The following PRR5L variants were observed in gnomAD, a reference collection of about 807,000 sequenced individuals.
PRR5L encodes proline rich 5 like.
Under a neutral mutation model 36.4 loss-of-function variants are expected in PRR5L, and 21 were observed. The ratio of observed to expected loss-of-function variants is 0.58; its 90% CI spans 0.41 to 0.83. The LOEUF (loss-of-function observed/expected upper bound fraction) is 0.83, where lower values mean the gene tolerates loss of function less well. Among genes scored for constraint, PRR5L ranks in the 40% least tolerant of loss-of-function variants. The pLI, the probability that PRR5L is intolerant of heterozygous loss-of-function variation, is 0.00. For missense variants in PRR5L, 381 were observed against 473.3 expected, an observed-to-expected ratio of 0.80 and a Z score of 1.81; for synonymous variants, 188 against 197.0, an observed-to-expected ratio of 0.95 and a Z score of 0.38.
intron 1 of PRR5L, among the ~76,000 whole-genome samples, chr11:36,312,359 G>A (rs1411316125): frequency 6.6e-6 from 1 of 152,198 alleles, no homozygotes; most frequent in Non-Finnish European, 1.5e-5. Flanking sequence ...TGGGAGAACA[G>A]GGGTTGTGTA....
At chr11:36,304,717 A>G (rs530822617) in intron 1 of PRR5L, among the ~76,000 whole-genome samples, 2 of 152,330 alleles carry the variant, frequency 1.3e-5, no homozygotes, top group African/African-American at 2.4e-5. Flanking sequence ...AAGCCATGAT[A>G]TATAAATTAA....
chr11:36,401,620 T>TG (rs202075403), intron 2 of PRR5L, among the ~76,000 whole-genome samples: 3,020 of 152,062 alleles, frequency 0.02, 119 homozygotes, highest in African/African-American at 0.068. Flanking sequence ...TTTAAAGAGA[T>TG]GGGGTCTCAC....
In PRR5L at chr11:36,336,004, G is replaced by C. The variant is rs527911527; in HGVS notation, c.-126+39566G>C. On this transcript the variant is annotated intron_variant, in intron 1 of 8. Transcript: ENST00000530639. ...TTGGGGTGAAAACGGGAGGAGGCAGGCAGAACATGAGAGGGAATGTGGCCA... is the reference window on the plus strand; with the variant it reads ...TTGGGGTGAAAACGGGAGGAGGCAGCCAGAACATGAGAGGGAATGTGGCCA... Among the ~76,000 whole-genome samples, 9 of 152,256 alleles carry C rather than the reference G, an allele frequency of 5.9e-5. No individual in the cohort carries two copies. The East Asian group carries it at 1.5e-3, about 26-fold the overall frequency.
At chr11:36,452,092 C>T (rs111438147) in intron 8 of PRR5L, among the ~76,000 whole-genome samples, 26 of 152,210 alleles carry the variant, frequency 1.7e-4, no homozygotes, top group African/African-American at 6.3e-4. Flanking sequence ...TAATAAAAAA[C>T]CCAGTTATTG....
At chr11:36,386,288 A>G (rs1158021609) in intron 1 of PRR5L, among the ~76,000 whole-genome samples, 1 of 151,836 alleles carries the variant, frequency 6.6e-6, no homozygotes, top group East Asian at 1.9e-4. Flanking sequence ...CTTGTCTTAG[A>G]AAAAAAAAGT....
chr11:36,299,711 A>T (rs1382365570), intron 1 of PRR5L, among the ~76,000 whole-genome samples: 2 of 152,198 alleles, frequency 1.3e-5, no homozygotes, highest in Non-Finnish European at 2.9e-5. Flanking sequence ...CCCAAAAGAG[A>T]TTATTCAGCG....
Position 36,348,844 on chromosome 11 carries a change from A to C in PRR5L, c.-125-52153A>C, listed in dbSNP as rs186557127. On this transcript the variant is annotated intron_variant, in intron 1 of 8. Coordinates refer to ENST00000530639, the MANE Select transcript of PRR5L (RefSeq NM_001160167.2). ...ACTTTACTGATGAGCAGTGGAGTTCAGAAAATTAGTTAGCTAGCCCGTGAC... is the reference window on the plus strand; with the variant it reads ...ACTTTACTGATGAGCAGTGGAGTTCCGAAAATTAGTTAGCTAGCCCGTGAC... Among the ~76,000 whole-genome samples the C allele has an allele frequency of 4.6e-5, 7 of 152,322 alleles. No homozygotes were observed. The East Asian group carries it at 1.3e-3, about 29-fold the overall frequency.
intron 1 of PRR5L, among the ~76,000 whole-genome samples, chr11:36,326,810 C>T (rs1856667261): frequency 6.6e-6 from 1 of 151,592 alleles, no homozygotes; most frequent in East Asian, 1.9e-4. Flanking sequence ...AGAATCTAAA[C>T]CAGTCTTAAG....
chr11:36,392,724 G>GACA (rs1026312616), intron 1 of PRR5L, among the ~76,000 whole-genome samples: 1 of 147,976 alleles, frequency 6.8e-6, no homozygotes, highest in Non-Finnish European at 1.5e-5. Context: ...CATAGTGACA[G>GACA]GAGAGAGAGA....
intron 7 of PRR5L, among the ~76,000 whole-genome samples, chr11:36,448,302 C>A (rs1316852068): frequency 6.6e-6 from 1 of 152,102 alleles, no homozygotes. Context: ...CATGGGACGG[C>A]CTCAAACTCT....
At chr11:36,337,024 A>G (rs1341738645) in intron 1 of PRR5L, among the ~76,000 whole-genome samples, 1 of 152,168 alleles carries the variant, frequency 6.6e-6, no homozygotes, top group Non-Finnish European at 1.5e-5. Flanking sequence ...GTAAATTATT[A>G]TCTCCATTAT....
intron 4 of PRR5L, among the ~76,000 whole-genome samples, chr11:36,428,576 C>G (rs1183384926): frequency 1.3e-5 from 2 of 152,128 alleles, no homozygotes; most frequent in East Asian, 3.9e-4. Context: ...TGGGGCTTGG[C>G]TAACTCAAAA....
intron 8 of PRR5L, among the ~76,000 whole-genome samples, chr11:36,451,608 T>G (rs1471388328): frequency 2.0e-5 from 3 of 152,222 alleles, no homozygotes; most frequent in Non-Finnish European, 2.9e-5. Context: ...ACATCTTTGA[T>G]CAGTGGCTTT....
chr11:36,373,625 A>T (rs1857219846), intron 1 of PRR5L, among the ~76,000 whole-genome samples: 1 of 151,990 alleles, frequency 6.6e-6, no homozygotes. Flanking sequence ...GAAAGAAAAA[A>T]TATCTGCTTA....
At chr11:36,430,631 T>TA (rs1424235732) in intron 4 of PRR5L, among the ~76,000 whole-genome samples, 1 of 152,214 alleles carries the variant, frequency 6.6e-6, no homozygotes, top group African/African-American at 2.4e-5. Flanking sequence ...TAGCAGCTAT[T>TA]ACTATTCCTA....
intron 3 of PRR5L, among the ~76,000 whole-genome samples, chr11:36,416,185 C>CAT (rs142442452): frequency 2.1e-4 from 32 of 151,726 alleles, no homozygotes; most frequent in East Asian, 1.7e-3. Flanking sequence ...AAAAACTCTG[C>CAT]ATATATATAT....
intron 1 of PRR5L, among the ~76,000 whole-genome samples, chr11:36,378,526 G>C (rs750939433): frequency 3.3e-4 from 51 of 152,310 alleles, no homozygotes; most frequent in Non-Finnish European, 6.0e-4. Context: ...AAAGGCACTA[G>C]AAATAAGAAA....
chr11:36,456,690 T>C (rs1242830252), intron 8 of PRR5L, among the ~76,000 whole-genome samples: 2 of 152,262 alleles, frequency 1.3e-5, no homozygotes, highest in Admixed American at 6.5e-5. Flanking sequence ...CAGGTTCTTC[T>C]GCGAAGTGGT....
At chr11:36,336,662 A>G (rs1565396469) in intron 1 of PRR5L, among the ~76,000 whole-genome samples, 1 of 151,342 alleles carries the variant, frequency 6.6e-6, no homozygotes, top group Non-Finnish European at 1.5e-5. Flanking sequence ...TGTTTGTTGA[A>G]TAAATAAACG....
Sources: gnomAD v4.1 joint callset for allele counts (sites outside exome capture counted in the v4.1 genomes callset) on GRCh38, gnomAD v4.1.1 for gene constraint, MANE v1.5 for transcripts, NCBI Gene and HGNC (gene_info 2026-07-23, HGNC 2026-07-21) for gene names.